Variants in PDE9A observed in about 807,000 individuals in gnomAD.
PDE9A encodes the protein high affinity cGMP-specific 3',5'-cyclic phosphodiesterase 9A.
A neutral mutation model predicts 87.4 loss-of-function variants in PDE9A; 60 were observed. That is an observed-to-expected ratio of 0.69 (90% CI 0.56 to 0.85). The LOEUF (loss-of-function observed/expected upper bound fraction) is 0.85. PDE9A is among the 40% of genes least tolerant of loss of function. The pLI is 0.00. For missense variants in PDE9A, 665 were observed against 779.0 expected, an observed-to-expected ratio of 0.85 and a Z score of 1.74; for synonymous variants, 272 against 279.4, an observed-to-expected ratio of 0.97 and a Z score of 0.27.
intron 4 of PDE9A, among the ~76,000 whole-genome samples, chr21:42,700,201 T>C (rs1453528126): frequency 2.0e-5 from 3 of 152,154 alleles, no homozygotes. Flanking sequence ...TGCTTTGTAT[T>C]GCTAAGTGGT....
intron 3 of PDE9A, among the ~76,000 whole-genome samples, chr21:42,690,549 G>A (rs562121855): frequency 1.4e-4 from 21 of 152,036 alleles, no homozygotes; most frequent in African/African-American, 4.8e-4. Context: ...GGCTGGGGGC[G>A]GCACGTGCTG....
At chr21:42,681,450 T>C (rs1272883071) in intron 1 of PDE9A, among the ~76,000 whole-genome samples, 1 of 152,190 alleles carries the variant, frequency 6.6e-6, no homozygotes, top group Non-Finnish European at 1.5e-5. Flanking sequence ...CACACACATC[T>C]CTGTGTGCCT....
chr21:42,734,674 G>A (rs2052205837), intron 7 of PDE9A: 1 of 152,256 alleles, frequency 6.6e-6, no homozygotes, highest in Non-Finnish European at 1.5e-5. Context: ...CTGGGTTCAA[G>A]TGATTCTCCT....
At position 42,659,212 on chromosome 21, in the gene PDE9A, TTTAGCCAGACATTTCC is replaced by T. The variant is rs2057308507; in HGVS notation, c.69+5330_69+5345del. 1.3e-5 allele frequency among the ~76,000 whole-genome samples: 2 copies of T among 152,136 alleles called. No homozygotes were observed. The highest frequency in any genetic ancestry group is 2.9e-5 in the Non-Finnish European group (2 of 68,012). ...CCCATTGGTGTGGTCCGAATTCCCCTTTAGCCAGACATTTCCAATGTCCAGAGGCCCAGGAGGGGAC... is the reference window on the plus strand; with the variant it reads ...CCCATTGGTGTGGTCCGAATTCCCCTAATGTCCAGAGGCCCAGGAGGGGAC... On this transcript the variant is annotated intron_variant, in intron 1 of 19. Transcript: ENST00000291539. This position sits in a 1 kb window ranked among gnomAD's most constrained non-coding sequence, Gnocchi z 4.1.
intron 1 of PDE9A, among the ~76,000 whole-genome samples, chr21:42,665,950 G>T (rs528485298): frequency 1.3e-5 from 2 of 152,364 alleles, no homozygotes; most frequent in South Asian, 4.1e-4. Context: ...GTTGAAGTCA[G>T]TTGGGGAGGC....
chr21:42,744,852 G>A (rs1417199766), intron 8 of PDE9A, among the ~76,000 whole-genome samples: 1 of 152,228 alleles, frequency 6.6e-6, no homozygotes, highest in Admixed American at 6.5e-5. Context: ...CATGCATTGA[G>A]GCACTTACTG....
Position 42,705,294 on chromosome 21 carries a change from C to T in PDE9A, c.262+6283C>T, listed in dbSNP as rs539776607. 1.4e-4 allele frequency among the ~76,000 whole-genome samples: 21 copies of T among 152,338 alleles called. No homozygotes were observed. The highest frequency in any genetic ancestry group is 2.1e-4 in the South Asian group (1 of 4,826). The stretch of plus-strand genomic sequence containing the variant: ...CAGGCTTCTCAGCATCTTTTTATAA[C>T]GATAGTGCTGATTTTTTGGAAAATC... On this transcript the variant is annotated intron_variant, in intron 4 of 19. Transcript: ENST00000291539. This position sits in a 1 kb window ranked among gnomAD's most constrained non-coding sequence, Gnocchi z 4.3.
Position 42,726,593 on chromosome 21 carries a change from CAT to C in PDE9A, c.263-5146_263-5145del, listed in dbSNP as rs898602288. 2.5e-3 allele frequency among the ~76,000 whole-genome samples: 95 copies of C among 38,204 alleles called. 2 individuals are homozygous for C. Among genetic ancestry groups the C allele is most frequent in the Middle Eastern group, 0.023 (1 of 44 alleles). 25.1% of individuals were successfully genotyped at this position (38,204 alleles called of 152,430 possible). A position where few individuals can be genotyped will look rare whatever the true frequency, so the allele number is the denominator to read the frequency against. ...ATTACTGAATGCCACCACGCCTGGC[CAT>C]ATATATATATATATATATATATATA... is the stretch of plus-strand genomic sequence containing the variant. On this transcript the variant is annotated intron_variant, in intron 4 of 19. Coordinates refer to ENST00000291539, the MANE Select transcript of PDE9A (RefSeq NM_002606.3).
chr21:42,771,727 G>A (rs1389497024), intron 18 of PDE9A, among the ~76,000 whole-genome samples: 3 of 152,314 alleles, frequency 2.0e-5, no homozygotes, highest in South Asian at 2.1e-4. Context: ...CATCTCCCTC[G>A]ACTGACGGCC....
At chr21:42,750,999 A>T in intron 8 of PDE9A, 117 bp from the exon 9 acceptor site, 1 of 744,528 alleles carries the variant, frequency 1.3e-6, no homozygotes, top group Non-Finnish European at 2.4e-6. Flanking sequence ...CCTCTCCCAC[A>T]GCAAATAAGA....
chr21:42,747,603 C>T (rs982420384), intron 8 of PDE9A, among the ~76,000 whole-genome samples: 13 of 152,234 alleles, frequency 8.5e-5, no homozygotes, highest in Non-Finnish European at 1.8e-4. Flanking sequence ...CTGACACTCA[C>T]GGGCTAGGTT....
At position 42,702,015 on chromosome 21, in the gene PDE9A, AC is replaced by A. The variant is rs1193831626; in HGVS notation, c.262+3005del. The stretch of plus-strand genomic sequence containing the variant: ...CTTGGTGTTCATTGATCTTCTTGGA[AC>A]TTTGGGATCATATTTTTCATGAAAT... On this transcript the variant is annotated intron_variant, in intron 4 of 19. Coordinates refer to ENST00000291539, the MANE Select transcript of PDE9A (RefSeq NM_002606.3). This position sits in a 1 kb window ranked among gnomAD's most constrained non-coding sequence, Gnocchi z 4.9. 6.6e-6 allele frequency among the ~76,000 whole-genome samples: 1 copy of A among 151,896 alleles called. No individual in the cohort carries two copies. Among genetic ancestry groups the A allele is most frequent in the Non-Finnish European group, 1.5e-5 (1 of 67,980 alleles).
At chr21:42,772,363 A>G in intron 18 of PDE9A, 76 bp from the exon 19 acceptor site, 4 of 952,040 alleles carry the variant, frequency 4.2e-6, no homozygotes, top group Non-Finnish European at 6.5e-6. Context: ...AGGCAACAGA[A>G]GCTGCTGGGA....
rs1258841207 is a variant in PDE9A, at chr21:42,653,888, C to A, written c.69+5C>A. On this transcript the variant is annotated splice_donor_5th_base_variant and intron_variant, in intron 1 of 19. Transcript: ENST00000291539. Reference sequence around the variant, plus strand: ...ATCGATGGACGCATTCAGAAGGTAGCCCCTCCCCCACCCAGACACCCCCTC... The same window carrying A: ...ATCGATGGACGCATTCAGAAGGTAGACCCTCCCCCACCCAGACACCCCCTC... 2.0e-6 allele frequency: 3 copies of A among 1,526,970 alleles called. No homozygotes were observed. Among genetic ancestry groups the A allele is most frequent in the Non-Finnish European group, 2.7e-6 (3 of 1,127,270 alleles). The allele number at this position is 1,526,970 out of a possible 1,614,324, so 94.6% of individuals were successfully genotyped here.
chr21:42,755,540 G>A (rs1182853291), intron 10 of PDE9A, among the ~76,000 whole-genome samples: 2 of 152,212 alleles, frequency 1.3e-5, no homozygotes, highest in Admixed American at 1.3e-4. Context: ...GACGACAGAA[G>A]AGGCTTTAAA....
chr21:42,744,194 A>T (rs2053605071), intron 8 of PDE9A, among the ~76,000 whole-genome samples: 1 of 152,186 alleles, frequency 6.6e-6, no homozygotes, highest in South Asian at 2.1e-4. Flanking sequence ...CTCTACTAAA[A>T]ATACAAACGG....
At chr21:42,754,114 A>G (rs1468835902) in intron 10 of PDE9A, 50 bp downstream of exon 10, 2 of 1,164,250 alleles carry the variant, frequency 1.7e-6, no homozygotes, top group Admixed American at 1.8e-5. Flanking sequence ...GCAGCTCAGG[A>G]TCTTGGACGC....
intron 3 of PDE9A, among the ~76,000 whole-genome samples, chr21:42,689,370 C>G (rs571022170): frequency 6.6e-6 from 1 of 152,246 alleles, no homozygotes; most frequent in South Asian, 2.1e-4. Flanking sequence ...TCCAGACTCC[C>G]CGGAAGGTGC....
intron 1 of PDE9A, among the ~76,000 whole-genome samples, chr21:42,681,892 A>G (rs1056867826): frequency 1.2e-4 from 19 of 152,196 alleles, no homozygotes; most frequent in Non-Finnish European, 7.3e-5. Context: ...ATTCTTCAGC[A>G]TGTGGTCAGG....
Sources: gnomAD v4.1 joint callset for allele counts (sites outside exome capture counted in the v4.1 genomes callset) on GRCh38, gnomAD v4.1.1 for gene constraint, Gnocchi (gnomAD v3.1) non-coding constraint, MANE v1.5 for transcripts, NCBI Gene and HGNC (gene_info 2026-07-23, HGNC 2026-07-21) for gene names.